The following NCOA7 variants were observed in gnomAD, a reference collection of about 807,000 sequenced individuals.
NCOA7 encodes the protein 140 kDa estrogen receptor-associated protein.
In NCOA7, 45 loss-of-function variants were observed where a neutral mutation model predicts 104.3. That is an observed-to-expected ratio of 0.43 (90% CI 0.34 to 0.55). NCOA7 has a LOEUF of 0.55. Ranked by LOEUF, NCOA7 falls within the 20% of genes least tolerant of loss-of-function variation. The pLI is 0.02. For synonymous variants in NCOA7, 398 were observed against 402.3 expected, an observed-to-expected ratio of 0.99 and a Z score of 0.13; for missense variants, 1,041 against 1,119.7, an observed-to-expected ratio of 0.93 and a Z score of 1.00.
At chr6:125,811,843 A>T (rs945296818) in intron 1 of NCOA7, among the ~76,000 whole-genome samples, 1 of 152,168 alleles carries the variant, frequency 6.6e-6, no homozygotes, top group South Asian at 2.1e-4. Flanking sequence ...GGCTAGGTAC[A>T]TGTGCCTTAA....
chr6:125,786,496 T>C (rs1273870465), upstream of NCOA7, among the ~76,000 whole-genome samples: 4 of 151,984 alleles, frequency 2.6e-5, no homozygotes, highest in African/African-American at 7.2e-5. Context: ...TATTTATACA[T>C]CACATATGTA....
intron 2 of NCOA7, among the ~76,000 whole-genome samples, chr6:125,827,695 G>A (rs999685058): frequency 3.9e-5 from 6 of 152,124 alleles, no homozygotes; most frequent in African/African-American, 1.4e-4. Flanking sequence ...AGGGAAGGAC[G>A]GGAATATTCT....
At chr6:125,852,606 AGTTTCATT>A (rs1193212176) in intron 2 of NCOA7, among the ~76,000 whole-genome samples, 1 of 152,152 alleles carries the variant, frequency 6.6e-6, no homozygotes, top group Non-Finnish European at 1.5e-5. Flanking sequence ...TAAGGGATGC[AGTTTCATT>A]GTTTTGCATA....
rs368038648 is a variant in NCOA7 at position 125,928,655 on chromosome 6, C to T, written c.2713C>T (p.Leu905=). Residue 905 remains leucine (L), a synonymous_variant, in exon 16 of 16, where the codon CTA becomes TTA. Coordinates refer to ENST00000392477, the MANE Select transcript of NCOA7 (RefSeq NM_181782.5). ...TTTCAGGGGACGATTTGGTTTATGG[C>T]TAGATGCTGATTTATACCACGGACG... ...GGGGGRFGLW[L]DADLYHGRSN... is the part of the protein sequence containing the mutation. The T allele has an allele frequency of 9.5e-5, 152 of 1,604,022 alleles. 1 individual carries two copies. Among genetic ancestry groups the T allele is most frequent in the Non-Finnish European group, 1.0e-5 (12 of 1,176,686 alleles).
intron 1 of NCOA7, chr6:125,796,676 A>G (rs1332055533): frequency 6.8e-6 from 1 of 147,228 alleles, no homozygotes; most frequent in Non-Finnish European, 1.5e-5. Flanking sequence ...TTTTTTTGAG[A>G]CAGATTCCCA....
At chr6:125,915,644 C>T (rs995340765) in intron 11 of NCOA7, among the ~76,000 whole-genome samples, 164 bp downstream of exon 11, 1 of 152,004 alleles carries the variant, frequency 6.6e-6, no homozygotes, top group African/African-American at 2.4e-5. Context: ...AAAACACCAC[C>T]ACCAGCACCA....
Position 125,928,737 on chromosome 6 carries a change from T to C in NCOA7, c.2795T>C (p.Ile932Thr), listed in dbSNP as rs1274625108. The change falls in exon 16 of 16, where the codon ATA becomes ACA. Residue 932 changes from isoleucine to threonine, a missense_variant. Physicochemically the swap from Ile to Thr is moderately conservative, Grantham distance 89 (BLOSUM62 -1). Around this residue, in one of 2 missense-constraint regions of NCOA7, gnomAD observed 127 missense variants for 177.0 expected, o/e 0.72. Coordinates refer to ENST00000392477, the MANE Select transcript of NCOA7 (RefSeq NM_181782.5). ...ATTCTTTCCAAAAAGGAAGACTTCA[T>C]AGTTCAGGATCTGGAGGTGTGGGCA... ...NDILSKKEDFIVQDLEVWAFD is the reference protein window; with the variant it reads ...NDILSKKEDFTVQDLEVWAFD 1.2e-6 allele frequency: 2 copies of C among 1,613,726 alleles called. No homozygotes were observed.
intron 7 of NCOA7, 148 bp from the exon 8 acceptor site, chr6:125,885,011 G>A (rs1350457493): frequency 2.5e-6 from 2 of 784,484 alleles, no homozygotes; most frequent in African/African-American, 3.4e-5. Context: ...CTGTTTTTCT[G>A]GTCCTCACAA....
upstream of NCOA7, among the ~76,000 whole-genome samples, chr6:125,790,072 G>GGCCCAACT (rs1774687862): frequency 1.3e-5 from 2 of 152,184 alleles, no homozygotes; most frequent in Non-Finnish European, 2.9e-5. Flanking sequence ...GCCAAGAGTC[G>GGCCCAACT]GCTGGAGGGC....
chr6:125,854,893 ATAT>A, intron 2 of NCOA7, 124 bp from the exon 3 acceptor site: 1 of 630,734 alleles, frequency 1.6e-6, no homozygotes, highest in South Asian at 2.0e-5. Flanking sequence ...GTAATGAACC[ATAT>A]TATAAGGAAA....
intron 10 of NCOA7, among the ~76,000 whole-genome samples, chr6:125,900,776 T>G (rs1287390367): frequency 6.6e-6 from 1 of 152,168 alleles, no homozygotes; most frequent in Non-Finnish European, 1.5e-5. Context: ...TAAATAAAGT[T>G]GTTTTTTTTT....
intron 1 of NCOA7, among the ~76,000 whole-genome samples, chr6:125,785,916 G>A (rs1774443840): frequency 6.6e-6 from 1 of 152,074 alleles, no homozygotes; most frequent in African/African-American, 2.4e-5. Context: ...TCTGGTAGAC[G>A]CCACAAAGAC....
At chr6:125,924,195 A>G (rs548321191) in intron 13 of NCOA7, among the ~76,000 whole-genome samples, 34 of 152,370 alleles carry the variant, frequency 2.2e-4, no homozygotes, top group Non-Finnish European at 4.3e-4. Flanking sequence ...ACAGACTCTC[A>G]CCTAAGTATA....
At chr6:125,801,200 A>T (rs1275025308) in intron 1 of NCOA7, among the ~76,000 whole-genome samples, 1 of 152,212 alleles carries the variant, frequency 6.6e-6, no homozygotes, top group African/African-American at 2.4e-5. Flanking sequence ...CTCTTGCAGG[A>T]TAAAATAATT....
intron 2 of NCOA7, among the ~76,000 whole-genome samples, chr6:125,846,540 G>A (rs979372410): frequency 6.6e-6 from 1 of 152,162 alleles, no homozygotes. Context: ...GCTGATTACA[G>A]AGAAAGCCAA....
intron 2 of NCOA7, among the ~76,000 whole-genome samples, chr6:125,834,353 G>A (rs867208890): frequency 6.6e-6 from 1 of 152,062 alleles, no homozygotes; most frequent in Non-Finnish European, 1.5e-5. Context: ...TAAAAAAACG[G>A]AAGATTTTTG....
At position 125,931,866 on chromosome 6, in the gene NCOA7, A is replaced by C. The variant is rs977106993; in HGVS notation, c.*3095A>C. 3 of 152,092 alleles carry C rather than the reference A, an allele frequency of 2.0e-5. No homozygotes were observed. Among genetic ancestry groups the C allele is most frequent in the African/African-American group, 4.8e-5 (2 of 41,404 alleles). The allele number at this position is 152,092 out of a possible 1,614,324, so 9.4% of individuals were successfully genotyped here. ...TTCTCATGATAGTGAGGGAGTTTTCATGAGATCTGTTTTAAAATGTTTGGC... is the reference window on the plus strand; with the variant it reads ...TTCTCATGATAGTGAGGGAGTTTTCCTGAGATCTGTTTTAAAATGTTTGGC... On this transcript the variant is annotated 3_prime_UTR_variant, in exon 16 of 16. Coordinates refer to ENST00000392477, the MANE Select transcript of NCOA7 (RefSeq NM_181782.5).
At chr6:125,828,817 C>G (rs1778888955) in intron 2 of NCOA7, among the ~76,000 whole-genome samples, 1 of 152,160 alleles carries the variant, frequency 6.6e-6, no homozygotes, top group African/African-American at 2.4e-5. Flanking sequence ...CACACTCATG[C>G]TGTGCCAGGA....
chr6:125,887,208 G>A (rs1322190558), intron 8 of NCOA7, among the ~76,000 whole-genome samples: 1 of 152,174 alleles, frequency 6.6e-6, no homozygotes, highest in Non-Finnish European at 1.5e-5. Context: ...GTCAAGCTAG[G>A]TAGAGAAGGT....
Sources: allele counts gnomAD v4.1 joint callset (sites outside exome capture counted in the v4.1 genomes callset), GRCh38; gene constraint gnomAD v4.1.1; regional missense constraint gnomAD v4.1.1; transcripts MANE v1.5; gene names NCBI Gene and HGNC (gene_info 2026-07-23, HGNC 2026-07-21).